The following RPL18 variants were observed in gnomAD, a reference collection of about 807,000 sequenced individuals.
RPL18 encodes large ribosomal subunit protein eL18.
RPL18 carries 4 observed loss-of-function variants against 25.0 expected under a neutral mutation model. That is an observed-to-expected ratio of 0.16 (90% CI 0.08 to 0.37). The LOEUF is 0.37. RPL18 is among the 10% of genes least tolerant of loss of function. The probability of loss-of-function intolerance (pLI) is 1.00; values close to 1 mark genes in which losing one functional copy is unlikely to be tolerated. For synonymous variants in RPL18, 129 were observed against 101.6 expected, an observed-to-expected ratio of 1.27 and a Z score of -1.62; for missense variants, 179 against 267.9, an observed-to-expected ratio of 0.67 and a Z score of 2.32.
intron 1 of RPL18, chr19:48,618,925 T>C (rs1335596923): frequency 3.4e-6 from 2 of 580,754 alleles, no homozygotes; most frequent in Admixed American, 3.3e-5. Context: ...CATATCAGCC[T>C]CCGAGTACCT....
In RPL18 at chr19:48,615,337, CA is replaced by C. The variant is rs770949433; in HGVS notation, c.*34del. On this transcript the variant is annotated 3_prime_UTR_variant, in exon 7 of 7. Transcript: ENST00000549920. Reference sequence around the variant, plus strand: ...AATAACACACACAGAGCACTGTCAGCAAAAATCTTTTTAATAAGAGAGTAGG... The same window carrying C: ...AATAACACACACAGAGCACTGTCAGCAAAATCTTTTTAATAAGAGAGTAGG... The C allele has an allele frequency of 6.5e-7, 1 of 1,534,250 alleles. No individual in the cohort carries two copies. Among genetic ancestry groups the C allele is most frequent in the Non-Finnish European group, 9.0e-7 (1 of 1,115,976 alleles).
chr19:48,617,242 G>A, intron 3 of RPL18, 74 bp downstream of exon 3: 1 of 1,175,386 alleles, frequency 8.5e-7, no homozygotes, highest in Non-Finnish European at 1.3e-6. Flanking sequence ...AGAGCTCCAA[G>A]TCCTGCCTCC....
intron 3 of RPL18, 100 bp from the exon 4 acceptor site, chr19:48,616,924 AC>A (rs755283779): frequency 2.3e-6 from 2 of 853,402 alleles, no homozygotes; most frequent in Non-Finnish European, 4.0e-6. Context: ...CTCTAACGGG[AC>A]CCCCCACTCA....
intron 3 of RPL18, 40 bp downstream of exon 3, chr19:48,617,276 G>T: frequency 6.8e-7 from 1 of 1,478,678 alleles, no homozygotes; most frequent in African/African-American, 1.4e-5. Context: ...AAGACCCAGC[G>T]GCTCCCAGGT....
intron 4 of RPL18, 42 bp from the exon 5 acceptor site, chr19:48,616,244 G>C: frequency 6.2e-7 from 1 of 1,607,700 alleles, no homozygotes; most frequent in Non-Finnish European, 8.5e-7. Context: ...CCCCTGCGTG[G>C]TCACCCAGGG....
At chr19:48,617,508 G>T in intron 2 of RPL18, 85 bp from the exon 3 acceptor site, 1 of 1,018,828 alleles carries the variant, frequency 9.8e-7, no homozygotes, top group Non-Finnish European at 1.5e-6. Context: ...ATGATGATCT[G>T]GACTAAAATA....
intron 5 of RPL18, 31 bp from the exon 6 acceptor site, chr19:48,615,977 C>G: frequency 6.2e-7 from 1 of 1,613,894 alleles, no homozygotes; most frequent in Non-Finnish European, 8.5e-7. Flanking sequence ...CCGGGTGAGA[C>G]AGGGATCTGG....
intron 6 of RPL18, 150 bp downstream of exon 6, chr19:48,615,707 CAGCTCCAAGCAGTGTTGAAG>C: frequency 1.5e-6 from 1 of 680,418 alleles, no homozygotes; most frequent in Non-Finnish European, 2.5e-6. Context: ...CTGGAAAACA[CAGCTCCAAGCAGTGTTGAAG>C]GGAAAAGCAG....
At chr19:48,618,967 G>C in intron 1 of RPL18, 174 bp downstream of exon 1, 1 of 655,066 alleles carries the variant, frequency 1.5e-6, no homozygotes, top group Non-Finnish European at 2.7e-6. Context: ...GGGGGCGGTA[G>C]GCTATGACTG....
At chr19:48,615,493 C>A in intron 6 of RPL18, 46 bp from the exon 7 acceptor site, 1 of 1,440,944 alleles carries the variant, frequency 6.9e-7, no homozygotes. Flanking sequence ...TTAAAGGAGG[C>A]CATTGTGGAG....
At chr19:48,619,000 C>T in intron 1 of RPL18, 141 bp downstream of exon 1, 1 of 871,194 alleles carries the variant, frequency 1.1e-6, no homozygotes, top group Non-Finnish European at 1.8e-6. Context: ...TTTCCTGGCC[C>T]CCAGAGTAGG....
At chr19:48,617,683 G>A (rs575847424) in intron 2 of RPL18, 108 bp downstream of exon 2, 1 of 849,638 alleles carries the variant, frequency 1.2e-6, no homozygotes, top group South Asian at 1.5e-5. Context: ...AGAGACCCGA[G>A]ACTGCTCTGC....
Position 48,616,784 on chromosome 19 carries a change from G to A in RPL18, c.239C>T (p.Ala80Val), listed in dbSNP as rs11554936. ...ATCAGTTATGGTCCCCACAACCACG[G>A]CCGTCTTGTTTTCCCGGCCAGGAAG... ...MKLPGRENKTAVVVGTITDDV... is the reference protein window; with the variant it reads ...MKLPGRENKTVVVVGTITDDV... The change falls in exon 4 of 7, where the codon GCC becomes GTC. Residue 80 changes from alanine (A) to valine (V), a missense_variant. Physicochemically the swap from Ala to Val is moderately conservative, Grantham distance 64. Coordinates refer to ENST00000549920, the MANE Select transcript of RPL18 (RefSeq NM_000979.4). The A allele has an allele frequency of 9.2e-4, 1,479 of 1,613,962 alleles. 2 individuals carry two copies. Among genetic ancestry groups the A allele is most frequent in the Non-Finnish European group, 1.2e-3 (1,407 of 1,179,958 alleles).
intron 2 of RPL18, 64 bp from the exon 3 acceptor site, chr19:48,617,487 G>A (rs1044303688): frequency 9.5e-6 from 11 of 1,162,260 alleles, no homozygotes; most frequent in Non-Finnish European, 1.3e-5. Flanking sequence ...TTCCAGTGAA[G>A]GGGCAAACAC....
At chr19:48,617,556 G>T in intron 2 of RPL18, 133 bp from the exon 3 acceptor site, 1 of 763,266 alleles carries the variant, frequency 1.3e-6, no homozygotes, top group Non-Finnish European at 2.2e-6. Context: ...GACCTAGAGG[G>T]AGAAAGCTGG....
At chr19:48,616,657 C>CACAGA in intron 4 of RPL18, 69 bp downstream of exon 4, 1 of 1,068,356 alleles carries the variant, frequency 9.4e-7, no homozygotes, top group Non-Finnish European at 1.5e-6. Context: ...CACAGCACAG[C>CACAGA]ACAGCACAGC....
intron 2 of RPL18, 132 bp downstream of exon 2, chr19:48,617,659 C>T (rs951682583): frequency 1.8e-5 from 13 of 734,808 alleles, no homozygotes; most frequent in Non-Finnish European, 2.8e-5. Context: ...TGCAGGAGAC[C>T]CTGGAACAGA....
chr19:48,617,416 C>T lies in RPL18; in HGVS notation c.98G>A (p.Arg33Lys). 1 of 1,613,522 alleles carries T rather than the reference C, an allele frequency of 6.2e-7. No individual in the cohort carries two copies. Among genetic ancestry groups the T allele is most frequent in the Non-Finnish European group, 8.5e-7 (1 of 1,179,438 alleles). The change falls in exon 3 of 7, where the codon AGG becomes AAG. Residue 33 changes from arginine to lysine, a missense_variant. By Grantham distance (26) the Arg-to-Lys change is conservative. Transcript: ENST00000549920. ...IYLRLLVKLY[R>K]FLARRTNSTF... ...GGAGTTGGTTCTTCTGGCCAGAAAC[C>T]TGTATAACTGGAGGGACGGGAAGAC...
At position 48,617,427 on chromosome 19, in the gene RPL18, G is replaced by A. The variant is rs200523276; in HGVS notation, c.91-4C>T. ...TTCTGGCCAGAAACCTGTATAACTG[G>A]AGGGACGGGAAGACAGTGAGAAGCT... On this transcript the variant is annotated splice_region_variant and splice_polypyrimidine_tract_variant and intron_variant, in intron 2 of 6. Coordinates refer to ENST00000549920, the MANE Select transcript of RPL18 (RefSeq NM_000979.4). 864 of 1,609,702 alleles carry A rather than the reference G, an allele frequency of 5.4e-4. 4 individuals carry two copies. In the Middle Eastern group the frequency reaches 9.8e-3, roughly 18 times the overall value.
Sources: gnomAD v4.1 joint callset for allele counts on GRCh38, gnomAD v4.1.1 for gene constraint, MANE v1.5 for transcripts, NCBI Gene and HGNC (gene_info 2026-07-23, HGNC 2026-07-21) for gene names.